LTBP1: variants seen among roughly 807,000 people sequenced by gnomAD.
LTBP1 encodes the protein latent transforming growth factor beta binding protein 1, also known as latent-transforming growth factor beta-binding protein 1.
Under a neutral mutation model 207.6 loss-of-function variants are expected in LTBP1, and 129 were observed. The observed-to-expected ratio is 0.62, with a 90% CI of 0.54 to 0.72. The LOEUF is 0.72. Ranked by LOEUF, LTBP1 falls within the 30% of genes least tolerant of loss-of-function variation. LTBP1 has a pLI of 0.00. For synonymous variants in LTBP1, 963 were observed against 833.7 expected (o/e 1.16, Z -2.67); for missense variants, 2,281 against 2,217.2 (o/e 1.03, Z -0.58).
intron 2 of LTBP1, among the ~76,000 whole-genome samples, chr2:32,990,131 G>C (rs894886549): frequency 6.6e-6 from 1 of 152,186 alleles, no homozygotes; most frequent in Non-Finnish European, 1.5e-5. Flanking sequence ...GCAACCAAGT[G>C]TAAGTCCTGC....
At chr2:33,046,861 AT>A (rs1201786006) in intron 3 of LTBP1, among the ~76,000 whole-genome samples, 1 of 152,098 alleles carries the variant, frequency 6.6e-6, no homozygotes, top group African/African-American at 2.4e-5. Context: ...GTGTCCAGGA[AT>A]TCATATTTCT....
intron 2 of LTBP1, among the ~76,000 whole-genome samples, chr2:32,983,567 G>C (rs1050155651): frequency 3.9e-5 from 6 of 152,190 alleles, no homozygotes; most frequent in African/African-American, 1.4e-4. Flanking sequence ...ATCTTGAATT[G>C]TAACTCCCAA....
intron 24 of LTBP1, among the ~76,000 whole-genome samples, chr2:33,337,950 A>G (rs2094571866): frequency 6.6e-6 from 1 of 152,168 alleles, no homozygotes; most frequent in Non-Finnish European, 1.5e-5. Flanking sequence ...TTTTCATTGT[A>G]TGTATATACG....
intron 5 of LTBP1, among the ~76,000 whole-genome samples, chr2:33,144,138 C>T (rs926644857): frequency 1.3e-5 from 2 of 151,918 alleles, no homozygotes; most frequent in Non-Finnish European, 2.9e-5. Context: ...CTTATGTCTC[C>T]TGGAGCTTGG....
intron 2 of LTBP1, among the ~76,000 whole-genome samples, chr2:32,992,475 A>T (rs1558484878): frequency 6.6e-6 from 1 of 152,346 alleles, no homozygotes; most frequent in Admixed American, 6.5e-5. Context: ...TTTGCTCAGC[A>T]TGTAGGATGC....
chr2:33,099,128 G>A (rs2079561171), intron 3 of LTBP1, among the ~76,000 whole-genome samples: 1 of 152,204 alleles, frequency 6.6e-6, no homozygotes, highest in East Asian at 1.9e-4. Flanking sequence ...AGTGTTAGAG[G>A]ATCTTGCAGG....
At chr2:33,153,052 G>T (rs533203114) in intron 5 of LTBP1, among the ~76,000 whole-genome samples, 1 of 152,160 alleles carries the variant, frequency 6.6e-6, no homozygotes, top group Non-Finnish European at 1.5e-5. Context: ...ACATATCTAC[G>T]CAGAGAATGC....
chr2:33,335,667 G>A (rs1017327993), intron 24 of LTBP1, among the ~76,000 whole-genome samples: 1 of 152,004 alleles, frequency 6.6e-6, no homozygotes, highest in African/African-American at 2.4e-5. Flanking sequence ...GACCTTAATC[G>A]CTTGTGGGCC....
In LTBP1 at chr2:33,134,811, G is replaced by A. The variant is rs750593692; in HGVS notation, c.1052G>A (p.Arg351His). 8 of 1,613,844 alleles carry A rather than the reference G, an allele frequency of 5.0e-6. No homozygotes were observed. In the East Asian group the frequency reaches 8.9e-5, roughly 18 times the overall value. ...CTCCTAGTGAGTAACCACACTGGCC[G>A]CATCAAGGTGGTCTTTACTCCGAGC... is the stretch of plus-strand genomic sequence containing the variant. ...APFQLSNHTG[R>H]IKVVFTPSIC... The change falls in exon 5 of 34, where the codon CGC becomes CAC. Residue 351 changes from arginine (R) to histidine (H), a missense_variant. Coordinates refer to ENST00000404816, the MANE Select transcript of LTBP1 (RefSeq NM_206943.4). This position sits in a 1 kb window ranked among gnomAD's most constrained non-coding sequence, Gnocchi z 4.4.
intron 9 of LTBP1, among the ~76,000 whole-genome samples, chr2:33,230,425 T>A (rs113626329): frequency 0.012 from 1,890 of 152,282 alleles, 38 homozygotes; most frequent in African/African-American, 0.043. Context: ...ATTTATTACA[T>A]ATACACACAT....
chr2:33,293,818 A>G (rs2093820732), intron 20 of LTBP1, among the ~76,000 whole-genome samples: 1 of 152,118 alleles, frequency 6.6e-6, no homozygotes, highest in African/African-American at 2.4e-5. Flanking sequence ...TTGCCATTTA[A>G]TAGTATACCT....
chr2:33,145,818 A>G (rs2082984210), intron 5 of LTBP1, among the ~76,000 whole-genome samples: 1 of 152,220 alleles, frequency 6.6e-6, no homozygotes, highest in Admixed American at 6.5e-5. Flanking sequence ...TTTGTATTAT[A>G]CCATTTTCCA....
intron 3 of LTBP1, among the ~76,000 whole-genome samples, chr2:33,030,310 T>A (rs1473374911): frequency 6.6e-6 from 1 of 152,100 alleles, no homozygotes; most frequent in Non-Finnish European, 1.5e-5. Context: ...AAGGAAACAC[T>A]CTCCCAATTC....
chr2:33,177,092 T>G (rs1314588602), intron 5 of LTBP1, among the ~76,000 whole-genome samples: 3 of 152,116 alleles, frequency 2.0e-5, no homozygotes, highest in African/African-American at 4.8e-5. Flanking sequence ...TAAGAAATAA[T>G]TTAGTTGGGA....
rs955339561 is a variant in LTBP1, at chr2:33,270,167, T to C, written c.2618-3489T>C. ...TGACCTCGCCTCAAGTGATCCTCCC[T>C]TCTCGGCCTCCCAAAGTGCTGGGAT... On this transcript the variant is annotated intron_variant, in intron 15 of 33. Coordinates refer to ENST00000404816, the MANE Select transcript of LTBP1 (RefSeq NM_206943.4). Among the ~76,000 whole-genome samples the C allele has an allele frequency of 4.6e-5, 7 of 151,926 alleles. No homozygotes were observed. The South Asian group carries it at 1.0e-3, about 23-fold the overall frequency.
intron 8 of LTBP1, among the ~76,000 whole-genome samples, chr2:33,221,279 G>T (rs763191791): frequency 2.6e-5 from 4 of 152,160 alleles, no homozygotes; most frequent in African/African-American, 7.2e-5. Flanking sequence ...TACCCTCATT[G>T]TATAGAATTT....
At chr2:32,955,429 C>T (rs1037481648) in intron 2 of LTBP1, among the ~76,000 whole-genome samples, 1 of 151,768 alleles carries the variant, frequency 6.6e-6, no homozygotes, top group Admixed American at 6.6e-5. Context: ...ATGTAGAGTG[C>T]CTTTTAAAAA....
intron 32 of LTBP1, among the ~76,000 whole-genome samples, chr2:33,394,077 G>C (rs945142698): frequency 2.0e-5 from 3 of 152,110 alleles, no homozygotes; most frequent in South Asian, 2.1e-4. Flanking sequence ...TCTTTTGGCT[G>C]CATAAATGTC....
intron 2 of LTBP1, among the ~76,000 whole-genome samples, chr2:32,986,562 T>A (rs1386708291): frequency 1.3e-5 from 2 of 152,114 alleles, no homozygotes; most frequent in African/African-American, 4.8e-5. Flanking sequence ...AGATGTGGGA[T>A]CTCTTGTGAA....
Sources: gnomAD v4.1 joint callset for allele counts (sites outside exome capture counted in the v4.1 genomes callset) on GRCh38, gnomAD v4.1.1 for gene constraint, Gnocchi (gnomAD v3.1) non-coding constraint, MANE v1.5 for transcripts, NCBI Gene and HGNC (gene_info 2026-07-23, HGNC 2026-07-21) for gene names.